Variants in C1orf159 observed in about 807,000 individuals in gnomAD.
The protein encoded by C1orf159 is chromosome 1 open reading frame 159.
C1orf159 carries 19 observed loss-of-function variants against 25.6 expected under a neutral mutation model. That is an observed-to-expected ratio of 0.74 (90% confidence interval 0.52 to 1.09). The LOEUF is 1.09. Ranked by LOEUF, C1orf159 falls within the 50% of genes least tolerant of loss-of-function variation. The pLI is 0.00. For missense variants in C1orf159, 274 were observed against 290.6 expected, an observed-to-expected ratio of 0.94 and a Z score of 0.42; for synonymous variants, 139 against 124.7, an observed-to-expected ratio of 1.12 and a Z score of -0.77.
chr1:1,085,769 T>C, intron 7 of C1orf159, 109 bp downstream of exon 7: 2 of 1,407,030 alleles, frequency 1.4e-6, no homozygotes, highest in Non-Finnish European at 1.9e-6. Context: ...CCTCCCGGCC[T>C]CTGCCAGCCT....
intron 1 of C1orf159, among the ~76,000 whole-genome samples, chr1:1,108,018 G>A (rs1646199611): frequency 6.6e-6 from 1 of 152,212 alleles, no homozygotes; most frequent in Non-Finnish European, 1.5e-5. Context: ...AAGTCAGTGA[G>A]ACCAAGAATC....
chr1:1,083,067 G>C, intron 9 of C1orf159, 80 bp from the exon 10 acceptor site: 2 of 1,238,086 alleles, frequency 1.6e-6, no homozygotes, highest in Non-Finnish European at 2.2e-6. Context: ...CTCACCGGAG[G>C]CTCTCGGGAG....
At chr1:1,108,250 C>T (rs1424610884) in intron 1 of C1orf159, among the ~76,000 whole-genome samples, 2 of 143,976 alleles carry the variant, frequency 1.4e-5, no homozygotes, top group Admixed American at 6.8e-5. Flanking sequence ...CCGTTCACCA[C>T]AGCCACCATG....
chr1:1,091,096 G>C, intron 3 of C1orf159: 1 of 891,260 alleles, frequency 1.1e-6, no homozygotes, highest in Middle Eastern at 2.5e-4. Flanking sequence ...AGCCAGGACA[G>C]TGAGGGGTCC....
At chr1:1,085,077 G>A (rs1260871833) in intron 7 of C1orf159, among the ~76,000 whole-genome samples, 7 of 152,170 alleles carry the variant, frequency 4.6e-5, no homozygotes, top group Admixed American at 1.3e-4. Flanking sequence ...CGGGTCTCTC[G>A]GTGCCTGGCT....
rs768655407 is a variant in C1orf159, at chr1:1,083,977, TGGCGGAGGCC to T, written c.502+366_502+375del. 42 of 1,604,904 alleles carry T rather than the reference TGGCGGAGGCC, an allele frequency of 2.6e-5. 1 individual carries two copies. The Middle Eastern group carries it at 4.9e-4, about 19-fold the overall frequency. ...GAAGCGATGGCTGCTCAGGAGGGCC[TGGCGGAGGCC>T]GGCTGCGTCTGTCCTCGGGTGGAGC... On this transcript the variant is annotated intron_variant, in intron 9 of 9. Coordinates refer to ENST00000421241, the MANE Select transcript of C1orf159 (RefSeq NM_017891.5).
intron 9 of C1orf159, chr1:1,084,120 G>T: frequency 1.9e-6 from 3 of 1,567,398 alleles, no homozygotes; most frequent in African/African-American, 1.4e-5. Flanking sequence ...AAGTCACGGG[G>T]ATTAAAGGGG....
Position 1,087,694 on chromosome 1 carries a change from T to C in C1orf159, c.149-97A>G. Reference sequence around the variant, plus strand: ...CTCTATTTGAGTTGGTGAGATAACTTTCATTCCAGATACTAACATGCTCTG... The same window carrying C: ...CTCTATTTGAGTTGGTGAGATAACTCTCATTCCAGATACTAACATGCTCTG... On this transcript the variant is annotated intron_variant, in intron 4 of 9. Transcript: ENST00000421241. The surrounding 1 kb of genome is among the most constrained non-coding windows in gnomAD (Gnocchi z 8.3). 1 of 919,864 alleles carries C rather than the reference T, an allele frequency of 1.1e-6. No individual in the cohort carries two copies. The highest frequency in any genetic ancestry group is 1.6e-6 in the Non-Finnish European group (1 of 607,580). The allele number at this position is 919,864 out of a possible 1,614,324, so 57.0% of individuals were successfully genotyped here.
chr1:1,104,234 G>C (rs1646140248), intron 1 of C1orf159, among the ~76,000 whole-genome samples: 1 of 152,166 alleles, frequency 6.6e-6, no homozygotes, highest in African/African-American at 2.4e-5. Context: ...TGATCCACCT[G>C]CCTCTGCCTC....
chr1:1,084,161 T>C (rs1345060727), intron 9 of C1orf159, 192 bp downstream of exon 9: 1 of 1,543,930 alleles, frequency 6.5e-7, no homozygotes, highest in South Asian at 1.3e-5. Flanking sequence ...CAAATCCAGC[T>C]GAGATCCAGA....
At chr1:1,090,865 C>CTG in intron 3 of C1orf159, 1 of 1,547,064 alleles carries the variant, frequency 6.5e-7, no homozygotes, top group Non-Finnish European at 8.7e-7. Context: ...GCGCTGGGTG[C>CTG]TGGCACTTAC....
chr1:1,082,306 G>A lies in C1orf159; in HGVS notation c.*587C>T, dbSNP rs1000759538. ...GCTCTATCCTGCAGCTCCGGAAATG[G>A]GTGGCTGCGTGCTTGGGGTCTCCGC... On this transcript the variant is annotated 3_prime_UTR_variant, in exon 10 of 10. Transcript: ENST00000421241. 1 of 155,382 alleles carries A rather than the reference G, an allele frequency of 6.4e-6. No individual in the cohort carries two copies. The highest frequency in any genetic ancestry group is 2.4e-5 in the African/African-American group (1 of 41,480). The allele number at this position is 155,382 out of a possible 1,614,324, so 9.6% of individuals were successfully genotyped here.
intron 1 of C1orf159, among the ~76,000 whole-genome samples, chr1:1,100,135 C>T (rs553236981): frequency 2.0e-5 from 3 of 152,320 alleles, no homozygotes; most frequent in Non-Finnish European, 2.9e-5. Context: ...CAGACACACA[C>T]ACCACAGTGC....
chr1:1,109,189 T>G (rs1348461736), intron 1 of C1orf159, among the ~76,000 whole-genome samples: 2 of 152,150 alleles, frequency 1.3e-5, no homozygotes, highest in East Asian at 3.8e-4. Flanking sequence ...CCGTGGAATA[T>G]TCTACAGTCC....
At chr1:1,099,078 C>CGAT (rs1646051196) in intron 1 of C1orf159, among the ~76,000 whole-genome samples, 1 of 144,266 alleles carries the variant, frequency 6.9e-6, no homozygotes, top group South Asian at 2.2e-4. Flanking sequence ...TGTTTTTGGT[C>CGAT]TATTCTAAGA....
intron 1 of C1orf159, among the ~76,000 whole-genome samples, chr1:1,102,795 C>CA (rs1646121173): frequency 6.6e-6 from 1 of 150,750 alleles, no homozygotes; most frequent in Non-Finnish European, 1.5e-5. Context: ...AGAACTGTCT[C>CA]AAAAATAAAT....
At chr1:1,083,937 T>C in intron 9 of C1orf159, 1 of 1,595,274 alleles carries the variant, frequency 6.3e-7, no homozygotes, top group Non-Finnish European at 8.5e-7. Context: ...TGGGTCCGCC[T>C]GACCCAGCAC....
chr1:1,107,190 C>G (rs181968032), intron 1 of C1orf159, among the ~76,000 whole-genome samples: 2 of 152,380 alleles, frequency 1.3e-5, no homozygotes, highest in African/African-American at 4.8e-5. Flanking sequence ...TGCGGCCAGG[C>G]GCTGGGTCCA....
intron 7 of C1orf159, 135 bp from the exon 8 acceptor site, chr1:1,084,641 G>T: frequency 1.8e-6 from 2 of 1,128,052 alleles, no homozygotes; most frequent in South Asian, 1.4e-5. Flanking sequence ...AGCAGCAGAG[G>T]CCCCGGGGCT....
Sources: gnomAD v4.1 joint callset for allele counts (sites outside exome capture counted in the v4.1 genomes callset) on GRCh38, gnomAD v4.1.1 for gene constraint, Gnocchi (gnomAD v3.1) non-coding constraint, MANE v1.5 for transcripts, NCBI Gene and HGNC (gene_info 2026-07-23, HGNC 2026-07-21) for gene names.